KIAA0408: variants seen among roughly 807,000 people sequenced by gnomAD.
The protein encoded by KIAA0408 is KIAA0408.
A neutral mutation model predicts 60.9 loss-of-function variants in KIAA0408; 51 were observed. That is an observed-to-expected ratio of 0.84 (90% CI 0.67 to 1.06). KIAA0408 has a LOEUF of 1.06. Ranked by LOEUF, KIAA0408 falls within the 50% of genes least tolerant of loss-of-function variation. KIAA0408 has a pLI of 0.00. For synonymous variants in KIAA0408, 304 were observed against 282.4 expected (o/e 1.08, Z -0.77); for missense variants, 787 against 833.9 (o/e 0.94, Z 0.69).
At chr6:127,457,567 C>G (rs115018376) in intron 1 of KIAA0408, among the ~76,000 whole-genome samples, 71 of 152,182 alleles carry the variant, frequency 4.7e-4, no homozygotes, top group African/African-American at 1.6e-3. Flanking sequence ...TCACACACCC[C>G]AACTCTAAAC....
In KIAA0408 at chr6:127,449,996, G is replaced by T. The variant is rs781453970; in HGVS notation, c.492C>A (p.Leu164=). The T allele has an allele frequency of 3.1e-6, 5 of 1,613,710 alleles. No homozygotes were observed. In the Admixed American group the frequency reaches 8.3e-5, roughly 27 times the overall value. The change falls in exon 3 of 6, where the codon CTC becomes CTA. Residue 164 remains leucine (L), a synonymous_variant. Transcript: ENST00000483725. ...EEDSKSCSGA[L]STALEELAKV... is the part of the protein sequence containing the mutation. ...CCAATCACATCTTACTTACTGTACTGAGGGCGCCAGAACAGCTCTTGCTGT... is the reference window on the plus strand; with the variant it reads ...CCAATCACATCTTACTTACTGTACTTAGGGCGCCAGAACAGCTCTTGCTGT...
rs1773130060 is a variant in KIAA0408 at position 127,442,993 on chromosome 6, T to C, written c.*1116A>G. On this transcript the variant is annotated 3_prime_UTR_variant, in exon 6 of 6. Transcript: ENST00000483725. ...ATGTCAAGGTTTAGTTTAAGCCTTT[T>C]TTCGGTAGCAAACTGTGAGAAGTAT... 6.6e-6 allele frequency: 1 copy of C among 152,332 alleles called. No homozygotes were observed. Among genetic ancestry groups the C allele is most frequent in the African/African-American group, 2.4e-5 (1 of 41,590 alleles). 9.4% of individuals were successfully genotyped at this position (152,332 alleles called of 1,614,324 possible). A position where few individuals can be genotyped will look rare whatever the true frequency, so the allele number is the denominator to read the frequency against.
chr6:127,447,891 A>C, intron 4 of KIAA0408, 151 bp from the exon 5 acceptor site: 1 of 1,040,150 alleles, frequency 9.6e-7, no homozygotes, highest in South Asian at 2.3e-5. Flanking sequence ...CCCAGTCAAA[A>C]ACTTCAAGTC....
In KIAA0408 at chr6:127,440,054, AT is replaced by A. The variant is rs1306483993; in HGVS notation, c.*4054del. 2 of 152,068 alleles carry A rather than the reference AT, an allele frequency of 1.3e-5. No homozygotes were observed. The highest frequency in any genetic ancestry group is 4.8e-5 in the African/African-American group (2 of 41,384). 9.4% of individuals were successfully genotyped at this position (152,068 alleles called of 1,614,324 possible). ...TTTCTCCATAGCTTCATATAAACAGATTTTTTTCCTAAGAATTTGTTAATTT... is the reference window on the plus strand; with the variant it reads ...TTTCTCCATAGCTTCATATAAACAGATTTTTTCCTAAGAATTTGTTAATTT... On this transcript the variant is annotated 3_prime_UTR_variant, in exon 6 of 6. Coordinates refer to ENST00000483725, the MANE Select transcript of KIAA0408 (RefSeq NM_014702.5).
intron 2 of KIAA0408, among the ~76,000 whole-genome samples, 189 bp downstream of exon 2, chr6:127,453,658 T>C (rs1338584994): frequency 6.6e-6 from 1 of 152,212 alleles, no homozygotes; most frequent in South Asian, 2.1e-4. Context: ...TTTCATGCAA[T>C]GATATAAAAT....
At position 127,444,254 on chromosome 6, in the gene KIAA0408, C is replaced by G. The variant is rs747530422; in HGVS notation, c.1940G>C (p.Gly647Ala). Residue 647 changes from glycine (G) to alanine (A), a missense_variant, in exon 6 of 6, where the codon GGA becomes GCA. This residue lies in a region of KIAA0408 where 133 missense variants were observed against 119.2 expected (regional missense o/e 1.12). Coordinates refer to ENST00000483725, the MANE Select transcript of KIAA0408 (RefSeq NM_014702.5). ...EESMSVNASH[G>A]KGFSRPARPA... ...TCTAGCAGGTCGGGAAAATCCTTTTCCATGTGAGGCGTTCACTGACATGGA... is the reference window on the plus strand; with the variant it reads ...TCTAGCAGGTCGGGAAAATCCTTTTGCATGTGAGGCGTTCACTGACATGGA... 6.2e-7 allele frequency: 1 copy of G among 1,602,040 alleles called. No homozygotes were observed. Among genetic ancestry groups the G allele is most frequent in the Admixed American group, 1.7e-5 (1 of 57,892 alleles).
At position 127,442,226 on chromosome 6, in the gene KIAA0408, G is replaced by A. The variant is rs1431051301; in HGVS notation, c.*1883C>T. 2.0e-5 allele frequency: 3 copies of A among 152,198 alleles called. No homozygotes were observed. The South Asian group carries it at 6.2e-4, about 32-fold the overall frequency. 9.4% of individuals were successfully genotyped at this position (152,198 alleles called of 1,614,324 possible). Reference sequence around the variant, plus strand: ...ATCCTCAATATTCTAAGGAACCACAGATCATACCAGACTACTTGGGATACA... The same window carrying A: ...ATCCTCAATATTCTAAGGAACCACAAATCATACCAGACTACTTGGGATACA... On this transcript the variant is annotated 3_prime_UTR_variant, in exon 6 of 6. Transcript: ENST00000483725.
chr6:127,454,137 A>G (rs921251829), intron 1 of KIAA0408, 36 bp from the exon 2 acceptor site: 130 of 1,304,534 alleles, frequency 1.0e-4, no homozygotes, highest in Non-Finnish European at 1.2e-4. Context: ...TTCCAAATCC[A>G]TGTGCTTTCT....
chr6:127,451,168 G>C, intron 2 of KIAA0408: 1 of 382,182 alleles, frequency 2.6e-6, no homozygotes, highest in East Asian at 7.7e-5. Context: ...CTTCAAAAGA[G>C]ACTGTCAGAT....
Position 127,446,927 on chromosome 6 carries a change from G to A in KIAA0408, c.1392C>T (p.Ser464=). 6.2e-7 allele frequency: 1 copy of A among 1,614,094 alleles called. No homozygotes were observed. The highest frequency in any genetic ancestry group is 1.3e-5 in the African/African-American group (1 of 75,042). Residue 464 remains serine (S), a synonymous_variant, in exon 5 of 6, where the codon AGC becomes AGT. Coordinates refer to ENST00000483725, the MANE Select transcript of KIAA0408 (RefSeq NM_014702.5). ...RNCQAIQQNH[S]CSKSSEDLKP... is the part of the protein sequence containing the mutation. ...TGAGATCCTCCGATGATTTTGAGCA[G>A]CTGTGATTTTGCTGTATTGCCTGAC...
intron 5 of KIAA0408, among the ~76,000 whole-genome samples, chr6:127,445,054 G>A (rs1402984753): frequency 6.6e-6 from 1 of 152,048 alleles, no homozygotes; most frequent in African/African-American, 2.4e-5. Flanking sequence ...ACCCCACAAA[G>A]CCTGTGCTCT....
intron 4 of KIAA0408, 90 bp downstream of exon 4, chr6:127,449,732 C>T: frequency 6.6e-7 from 1 of 1,516,276 alleles, no homozygotes; most frequent in South Asian, 1.2e-5. Flanking sequence ...TTAGTTCTTA[C>T]ATGTAAGGAG....
rs558324712 is a variant in KIAA0408 at position 127,442,332 on chromosome 6, C to T, written c.*1777G>A. 22 of 152,384 alleles carry T rather than the reference C, an allele frequency of 1.4e-4. No homozygotes were observed. Among genetic ancestry groups the T allele is most frequent in the Admixed American group, 3.9e-4 (6 of 15,290 alleles). 9.4% of individuals were successfully genotyped at this position (152,384 alleles called of 1,614,324 possible). On this transcript the variant is annotated 3_prime_UTR_variant, in exon 6 of 6. Coordinates refer to ENST00000483725, the MANE Select transcript of KIAA0408 (RefSeq NM_014702.5). ...CACAACAGCATTTTCCTAACAGGTC[C>T]GTCATTTTATGACCCAGGGTTCCTC...
rs747075000 is a variant in KIAA0408 at position 127,447,387 on chromosome 6, G to A, written c.932C>T (p.Pro311Leu). 1 of 1,612,540 alleles carries A rather than the reference G, an allele frequency of 6.2e-7. No homozygotes were observed. Among genetic ancestry groups the A allele is most frequent in the Non-Finnish European group, 8.5e-7 (1 of 1,179,536 alleles). ...HEGRSKRNYN[P>L]HFPLRQQEMS... The stretch of plus-strand genomic sequence containing the variant: ...CTCTTGTTGTCTCAAAGGGAAGTGA[G>A]GGTTGTAATTCCTTTTACTTCGACC... Residue 311 changes from proline (P) to leucine (L), a missense_variant, in exon 5 of 6, where the codon CCT (proline) becomes CTT (leucine). Pro to Leu is a moderately conservative substitution (Grantham distance 98). Transcript: ENST00000483725.
At position 127,438,641 on chromosome 6, in the gene KIAA0408, C is replaced by T. The variant is rs1039736645; in HGVS notation, c.*5468G>A. ...GAAAGTATGATCTATTGCTCCTAGGCTACAAACCTGTACAGCATGTTACTG... is the reference window on the plus strand; with the variant it reads ...GAAAGTATGATCTATTGCTCCTAGGTTACAAACCTGTACAGCATGTTACTG... On this transcript the variant is annotated 3_prime_UTR_variant, in exon 6 of 6. Transcript: ENST00000483725. 6.6e-6 allele frequency: 1 copy of T among 152,144 alleles called. No homozygotes were observed. Among genetic ancestry groups the T allele is most frequent in the African/African-American group, 2.4e-5 (1 of 41,414 alleles). 9.4% of individuals were successfully genotyped at this position (152,144 alleles called of 1,614,324 possible).
Position 127,447,621 on chromosome 6 carries a change from T to C in KIAA0408, c.698A>G (p.Lys233Arg). 2.5e-6 allele frequency: 4 copies of C among 1,612,846 alleles called. No individual in the cohort carries two copies. The highest frequency in any genetic ancestry group is 3.4e-6 in the Non-Finnish European group (4 of 1,179,652). ...LPISLEKEKQ[K>R]NRKNLSCTNV... ...GGTACAGCTCAGATTCTTCCTGTTTTTCTGTTTTTCTTTTTCTAAACTGAT... is the reference window on the plus strand; with the variant it reads ...GGTACAGCTCAGATTCTTCCTGTTTCTCTGTTTTTCTTTTTCTAAACTGAT... Residue 233 changes from lysine (K) to arginine (R), a missense_variant, in exon 5 of 6, where the codon AAA becomes AGA. Transcript: ENST00000483725.
At chr6:127,448,108 C>T (rs1410357264) in intron 4 of KIAA0408, among the ~76,000 whole-genome samples, 1 of 152,146 alleles carries the variant, frequency 6.6e-6, no homozygotes, top group Non-Finnish European at 1.5e-5. Context: ...TACCTTCTCT[C>T]TGCCTGCTGA....
Position 127,439,754 on chromosome 6 carries a change from C to T in KIAA0408, c.*4355G>A, listed in dbSNP as rs1773075092. ...TATTATCTTGACTACTTAATTTTTC[C>T]TTCTTACTTAGAAATCACAATGCCT... On this transcript the variant is annotated 3_prime_UTR_variant, in exon 6 of 6. Transcript: ENST00000483725. 6.6e-6 allele frequency: 1 copy of T among 152,112 alleles called. No individual in the cohort carries two copies. The highest frequency in any genetic ancestry group is 1.5e-5 in the Non-Finnish European group (1 of 68,020). 9.4% of individuals were successfully genotyped at this position (152,112 alleles called of 1,614,324 possible).
At chr6:127,452,670 T>C (rs936435065) in intron 2 of KIAA0408, among the ~76,000 whole-genome samples, 2 of 152,116 alleles carry the variant, frequency 1.3e-5, no homozygotes, top group African/African-American at 4.8e-5. Flanking sequence ...GAGACTGTTA[T>C]GAACTGAACT....
Sources: allele counts gnomAD v4.1 joint callset (sites outside exome capture counted in the v4.1 genomes callset), GRCh38; gene constraint gnomAD v4.1.1; regional missense constraint gnomAD v4.1.1; transcripts MANE v1.5; gene names NCBI Gene and HGNC (gene_info 2026-07-23, HGNC 2026-07-21).